The following MYO3B variants were observed in gnomAD, a reference collection of about 807,000 sequenced individuals.
MYO3B encodes the protein myosin-IIIb.
Under a neutral mutation model 174.6 loss-of-function variants are expected in MYO3B, and 156 were observed. That is an observed-to-expected ratio of 0.89 (90% CI 0.78 to 1.02). MYO3B has a LOEUF of 1.02. Among genes scored for constraint, MYO3B ranks in the 50% least tolerant of loss-of-function variants. The pLI, the probability that MYO3B is intolerant of heterozygous loss-of-function variation, is 0.00. For missense variants in MYO3B, 1,632 were observed against 1,639.4 expected, an observed-to-expected ratio of 1.00 and a Z score of 0.08; for synonymous variants, 563 against 569.1, an observed-to-expected ratio of 0.99 and a Z score of 0.15.
intron 10 of MYO3B, 107 bp downstream of exon 10, chr2:170,382,219 A>G (rs1558944196): frequency 4.6e-6 from 4 of 879,018 alleles, no homozygotes; most frequent in East Asian, 2.7e-5. Context: ...TGAAAATTTA[A>G]TTGTTTGTGT....
At chr2:170,363,936 C>T (rs1421347247) in intron 8 of MYO3B, among the ~76,000 whole-genome samples, 2 of 152,110 alleles carry the variant, frequency 1.3e-5, no homozygotes, top group Non-Finnish European at 2.9e-5. Flanking sequence ...GAAAGAATTA[C>T]TTATGATTTG....
chr2:170,383,608 A>AC, intron 11 of MYO3B, 102 bp from the exon 12 acceptor site: 1 of 867,400 alleles, frequency 1.2e-6, no homozygotes, highest in Admixed American at 2.1e-5. Context: ...TCCTAATGCA[A>AC]CAAGTACCCT....
At chr2:170,358,555 C>A (rs1281464862) in intron 8 of MYO3B, among the ~76,000 whole-genome samples, 1 of 152,134 alleles carries the variant, frequency 6.6e-6, no homozygotes, top group Non-Finnish European at 1.5e-5. Context: ...TTGAATTGTA[C>A]ATTTTTAATG....
intron 8 of MYO3B, among the ~76,000 whole-genome samples, chr2:170,352,400 A>G (rs1456001966): frequency 6.6e-6 from 1 of 152,254 alleles, no homozygotes; most frequent in East Asian, 1.9e-4. Context: ...AAAAGAAGAA[A>G]GGGTCTACAG....
chr2:170,350,312 A>G (rs1312408180), intron 8 of MYO3B: 1 of 152,184 alleles, frequency 6.6e-6, no homozygotes, highest in Non-Finnish European at 1.5e-5. Context: ...TTAAATTGAT[A>G]GCTACGTGGT....
At chr2:170,561,728 C>T (rs900245312) in intron 32 of MYO3B, among the ~76,000 whole-genome samples, 13 of 152,182 alleles carry the variant, frequency 8.5e-5, no homozygotes, top group African/African-American at 2.7e-4. Flanking sequence ...TTGTAGATTG[C>T]TCTTTTTTGG....
chr2:170,465,949 G>A (rs980012313), intron 24 of MYO3B, among the ~76,000 whole-genome samples: 1 of 152,108 alleles, frequency 6.6e-6, no homozygotes, highest in South Asian at 2.1e-4. Flanking sequence ...CCCTCTTGCT[G>A]TGAGAGCCCT....
At chr2:170,509,112 T>G (rs895955909) in intron 28 of MYO3B, among the ~76,000 whole-genome samples, 3 of 152,210 alleles carry the variant, frequency 2.0e-5, no homozygotes, top group Non-Finnish European at 4.4e-5. Flanking sequence ...ATCCCCGCAC[T>G]TTGGGAGGCC....
intron 28 of MYO3B, among the ~76,000 whole-genome samples, chr2:170,502,319 G>T (rs952064230): frequency 6.6e-6 from 1 of 152,154 alleles, no homozygotes; most frequent in African/African-American, 2.4e-5. Context: ...GGTCCAGAAG[G>T]TGCCTTCCCA....
chr2:170,357,707 A>G (rs898356044), intron 8 of MYO3B, among the ~76,000 whole-genome samples: 3 of 152,200 alleles, frequency 2.0e-5, no homozygotes, highest in Non-Finnish European at 4.4e-5. Flanking sequence ...ATATAAAATG[A>G]TGCTATGATT....
intron 32 of MYO3B, among the ~76,000 whole-genome samples, chr2:170,546,672 A>C (rs16858727): frequency 6.6e-6 from 1 of 152,256 alleles, no homozygotes; most frequent in Non-Finnish European, 1.5e-5. Context: ...TCCGTTTCGC[A>C]TATATTATCA....
chr2:170,495,978 A>G (rs1308229288), intron 25 of MYO3B, among the ~76,000 whole-genome samples: 1 of 152,200 alleles, frequency 6.6e-6, no homozygotes, highest in East Asian at 1.9e-4. Flanking sequence ...TGCTGATGCC[A>G]TGAACTGTCC....
At chr2:170,300,375 A>G (rs2105442117) in intron 7 of MYO3B, among the ~76,000 whole-genome samples, 1 of 152,336 alleles carries the variant, frequency 6.6e-6, no homozygotes, top group South Asian at 2.1e-4. Context: ...GCCTATATGC[A>G]AATTATGACT....
chr2:170,489,645 G>T (rs1368112549), intron 25 of MYO3B, among the ~76,000 whole-genome samples: 1 of 148,202 alleles, frequency 6.7e-6, no homozygotes, highest in East Asian at 1.9e-4. Context: ...GTGTGTGTGT[G>T]TGTGTGTGTG....
At chr2:170,356,553 G>A (rs2094122531) in intron 8 of MYO3B, among the ~76,000 whole-genome samples, 1 of 151,146 alleles carries the variant, frequency 6.6e-6, no homozygotes, top group African/African-American at 2.4e-5. Flanking sequence ...GTAGAGATGG[G>A]GTTTCACCAT....
chr2:170,302,674 G>A (rs1436726549), intron 7 of MYO3B, among the ~76,000 whole-genome samples: 1 of 152,196 alleles, frequency 6.6e-6, no homozygotes, highest in Admixed American at 6.5e-5. Flanking sequence ...AAGATATCTG[G>A]AGGGAATGAG....
rs192058520 is a variant in MYO3B, at chr2:170,543,955, G to A, written c.3700G>A (p.Gly1234Arg). The change falls in exon 32 of 35, where the codon GGA becomes AGA. Residue 1234 changes from glycine to arginine, a missense_variant. Coordinates refer to ENST00000408978, the MANE Select transcript of MYO3B (RefSeq NM_138995.5). Reference protein sequence around the residue: ...RICHPAPDQQGLSLWGAPQKP... With the variant: ...RICHPAPDQQRLSLWGAPQKP... ...ATGCCATCCTGCTCCAGATCAGCAA[G>A]GATTGAGTCTCTGGGGAGCCCCTCA... 1.2e-6 allele frequency: 2 copies of A among 1,613,256 alleles called. No individual in the cohort carries two copies. Among genetic ancestry groups the A allele is most frequent in the East Asian group, 4.5e-5 (2 of 44,846 alleles).
At chr2:170,291,713 G>GT (rs71006079) in intron 7 of MYO3B, among the ~76,000 whole-genome samples, 46,743 of 150,014 alleles carry the variant, frequency 0.31, 7,412 homozygotes, top group South Asian at 0.43. Context: ...TGGATGACAG[G>GT]TTTTTTTTAT....
At chr2:170,516,120 A>G (rs1688291001) in intron 29 of MYO3B, among the ~76,000 whole-genome samples, 1 of 152,152 alleles carries the variant, frequency 6.6e-6, no homozygotes, top group Non-Finnish European at 1.5e-5. Flanking sequence ...TTGGCCACAC[A>G]CAGTGCTTTT....
Sources: gnomAD v4.1 joint callset for allele counts (sites outside exome capture counted in the v4.1 genomes callset) on GRCh38, gnomAD v4.1.1 for gene constraint, MANE v1.5 for transcripts, NCBI Gene and HGNC (gene_info 2026-07-23, HGNC 2026-07-21) for gene names.